The following SLC24A2 variants were observed in gnomAD, a reference collection of about 807,000 sequenced individuals.
The protein encoded by SLC24A2 is sodium/potassium/calcium exchanger 2.
A neutral mutation model predicts 62.0 loss-of-function variants in SLC24A2; 36 were observed. That is an observed-to-expected ratio of 0.58 (90% confidence interval 0.44 to 0.77). The LOEUF is 0.77. Among genes scored for constraint, SLC24A2 ranks in the 30% least tolerant of loss-of-function variants. SLC24A2 has a pLI of 0.00. For synonymous variants in SLC24A2, 358 were observed against 294.0 expected, an observed-to-expected ratio of 1.22 and a Z score of -2.23; for missense variants, 846 against 817.9, an observed-to-expected ratio of 1.03 and a Z score of -0.42.
chr9:20,058,845 T>C, the SLC24A2 span, among the ~76,000 whole-genome samples: 1 of 152,240 alleles, frequency 6.6e-6, no homozygotes, highest in Non-Finnish European at 1.5e-5. Flanking sequence ...TCTTGTAAGT[T>C]GAGTCCCCCT....
chr9:19,697,184 T>C (rs150853962), intron 2 of SLC24A2, among the ~76,000 whole-genome samples: 47 of 152,338 alleles, frequency 3.1e-4, no homozygotes, highest in African/African-American at 1.1e-3. Context: ...TCAATGGCTA[T>C]TGAAATTGAA....
chr9:20,090,169 G>A, the SLC24A2 span, among the ~76,000 whole-genome samples: 2 of 151,994 alleles, frequency 1.3e-5, no homozygotes, highest in African/African-American at 4.8e-5. Flanking sequence ...TACCAGGGAG[G>A]GAACCCCTGG....
intron 2 of SLC24A2, among the ~76,000 whole-genome samples, chr9:19,720,060 G>T (rs1820976767): frequency 1.3e-5 from 2 of 152,134 alleles, no homozygotes; most frequent in South Asian, 4.1e-4. Context: ...AACTAGGCTG[G>T]AGGTAAACCG....
At chr9:19,567,268 C>T (rs189131713) in intron 7 of SLC24A2, among the ~76,000 whole-genome samples, 48 of 151,488 alleles carry the variant, frequency 3.2e-4, no homozygotes, top group East Asian at 1.9e-3. Flanking sequence ...GAATATGGGC[C>T]GGGCACGGTG....
chr9:19,874,060 T>TTTTTCTTTTCTTTTC, the SLC24A2 span, among the ~76,000 whole-genome samples: 28 of 145,600 alleles, frequency 1.9e-4, no homozygotes, highest in African/African-American at 7.2e-4. Context: ...GATATTGTTC[T>TTTTTCTTTTCTTTTC]TTTTCTTTTC....
chr9:19,759,476 C>T (rs1476170788), intron 2 of SLC24A2, among the ~76,000 whole-genome samples: 1 of 152,152 alleles, frequency 6.6e-6, no homozygotes, highest in African/African-American at 2.4e-5. Context: ...CCCATAAAAG[C>T]AGAACAATAT....
At chr9:19,805,370 T>C in the SLC24A2 span, among the ~76,000 whole-genome samples, 1 of 152,224 alleles carries the variant, frequency 6.6e-6, no homozygotes, top group Non-Finnish European at 1.5e-5. Flanking sequence ...ATAAATCCAT[T>C]AATCAATACC....
chr9:19,612,670 G>T (rs1377040528), intron 4 of SLC24A2, among the ~76,000 whole-genome samples: 3 of 152,084 alleles, frequency 2.0e-5, no homozygotes, highest in African/African-American at 7.2e-5. Context: ...ATTAAATGCT[G>T]TACTAGACTA....
chr9:19,988,265 G>A, the SLC24A2 span, among the ~76,000 whole-genome samples: 2 of 152,076 alleles, frequency 1.3e-5, no homozygotes, highest in South Asian at 4.1e-4. Flanking sequence ...CTCCTCTTTT[G>A]TAGATGATTT....
At chr9:19,583,036 A>G (rs1836254741) in intron 5 of SLC24A2, among the ~76,000 whole-genome samples, 1 of 152,084 alleles carries the variant, frequency 6.6e-6, no homozygotes, top group Non-Finnish European at 1.5e-5. Context: ...AGTGATCAGT[A>G]AAACAGAACA....
chr9:20,073,346 C>T, the SLC24A2 span, among the ~76,000 whole-genome samples: 4 of 152,160 alleles, frequency 2.6e-5, no homozygotes, highest in Non-Finnish European at 5.9e-5. Flanking sequence ...CTGATTAAGT[C>T]AGACCCACTC....
intron 8 of SLC24A2, among the ~76,000 whole-genome samples, chr9:19,534,492 T>C (rs375864583): frequency 6.6e-6 from 1 of 152,270 alleles, no homozygotes; most frequent in East Asian, 1.9e-4. Context: ...TTTGTCCTAA[T>C]GTTCTCCCTC....
chr9:19,894,533 G>A, the SLC24A2 span, among the ~76,000 whole-genome samples: 1 of 152,096 alleles, frequency 6.6e-6, no homozygotes, highest in East Asian at 1.9e-4. Context: ...CTAGCATAAT[G>A]TCTAGCATTT....
the SLC24A2 span, among the ~76,000 whole-genome samples, chr9:19,824,208 A>G: frequency 6.6e-6 from 1 of 152,250 alleles, no homozygotes; most frequent in Non-Finnish European, 1.5e-5. Flanking sequence ...CTGCAGAGCA[A>G]AAGAAACTAT....
chr9:19,608,813 C>T (rs756371359), intron 4 of SLC24A2, among the ~76,000 whole-genome samples: 2 of 152,002 alleles, frequency 1.3e-5, no homozygotes, highest in Admixed American at 6.6e-5. Flanking sequence ...CACACACACA[C>T]GCATAGACAC....
chr9:20,213,860 C>T, the SLC24A2 span, among the ~76,000 whole-genome samples: 29 of 152,180 alleles, frequency 1.9e-4, no homozygotes, highest in African/African-American at 7.0e-4. Flanking sequence ...TTATCCCTGA[C>T]ATACAACATT....
At chr9:20,122,590 G>A in the SLC24A2 span, among the ~76,000 whole-genome samples, 3 of 152,210 alleles carry the variant, frequency 2.0e-5, no homozygotes, top group South Asian at 6.2e-4. Flanking sequence ...TGAAGCTGAG[G>A]CAGGAGAATT....
the SLC24A2 span, among the ~76,000 whole-genome samples, chr9:20,107,611 A>G: frequency 1.3e-5 from 2 of 152,248 alleles, no homozygotes; most frequent in African/African-American, 2.4e-5. Flanking sequence ...TCCCCATTTC[A>G]TAAATGGTGC....
chr9:19,920,545 C>A, the SLC24A2 span, among the ~76,000 whole-genome samples: 2 of 152,066 alleles, frequency 1.3e-5, no homozygotes, highest in Non-Finnish European at 2.9e-5. Context: ...GCATTGGGTA[C>A]GCTGAGGGCC....
Sources: gnomAD v4.1 joint callset for allele counts (sites outside exome capture counted in the v4.1 genomes callset) on GRCh38, gnomAD v4.1.1 for gene constraint, MANE v1.5 for transcripts, NCBI Gene and HGNC (gene_info 2026-07-23, HGNC 2026-07-21) for gene names.